CLNK: variants seen among roughly 807,000 people sequenced by gnomAD.
CLNK encodes cytokine-dependent hematopoietic cell linker.
A neutral mutation model predicts 68.6 loss-of-function variants in CLNK; 74 were observed. The ratio of observed to expected loss-of-function variants is 1.08; its 90% CI spans 0.89 to 1.31. CLNK has a LOEUF of 1.31. Ranked by LOEUF, CLNK falls within the 50% of genes most tolerant of loss-of-function variation. The probability of loss-of-function intolerance (pLI) is 0.00; values close to 1 mark genes in which losing one functional copy is unlikely to be tolerated. For synonymous variants in CLNK, 198 were observed against 172.2 expected, an observed-to-expected ratio of 1.15 and a Z score of -1.17; for missense variants, 553 against 515.3, an observed-to-expected ratio of 1.07 and a Z score of -0.71.
At chr4:10,727,107 G>A in the CLNK span, among the ~76,000 whole-genome samples, 10 of 152,144 alleles carry the variant, frequency 6.6e-5, no homozygotes, top group Non-Finnish European at 1.5e-4. Context: ...GGGGACATGT[G>A]GCAACAACTC....
At chr4:10,700,201 T>G in the CLNK span, among the ~76,000 whole-genome samples, 2 of 152,132 alleles carry the variant, frequency 1.3e-5, no homozygotes, top group Non-Finnish European at 2.9e-5. Flanking sequence ...GTAAAGAAAC[T>G]GAGAATTACA....
chr4:10,585,561 C>A (rs576384384), intron 3 of CLNK, among the ~76,000 whole-genome samples: 1 of 152,344 alleles, frequency 6.6e-6, no homozygotes, highest in Admixed American at 6.5e-5. Context: ...GAGTCTCAGC[C>A]TCCTCTGGCT....
chr4:10,681,883 C>T (rs990461684), intron 1 of CLNK, among the ~76,000 whole-genome samples: 2 of 152,048 alleles, frequency 1.3e-5, no homozygotes, highest in South Asian at 2.1e-4. Flanking sequence ...CTTCAGAATC[C>T]GTTTTGTAAA....
chr4:10,713,852 A>C, the CLNK span, among the ~76,000 whole-genome samples: 1 of 152,194 alleles, frequency 6.6e-6, no homozygotes, highest in Admixed American at 6.5e-5. Flanking sequence ...TCATGTGCCA[A>C]ATAGACCTCT....
intron 2 of CLNK, among the ~76,000 whole-genome samples, chr4:10,639,816 G>A (rs1560257007): frequency 6.6e-6 from 1 of 152,230 alleles, no homozygotes; most frequent in Non-Finnish European, 1.5e-5. Context: ...GGGTGGTGCT[G>A]CTCTGAATGC....
chr4:10,714,715 T>C, the CLNK span, among the ~76,000 whole-genome samples: 2 of 147,758 alleles, frequency 1.4e-5, no homozygotes, highest in Admixed American at 6.8e-5. Context: ...TGTGTGTGCG[T>C]GTGAGTAGCT....
intron 1 of CLNK, among the ~76,000 whole-genome samples, chr4:10,680,764 G>T (rs6821184): frequency 2.0e-5 from 3 of 151,878 alleles, no homozygotes; most frequent in African/African-American, 7.3e-5. Context: ...GAGGTTCTGA[G>T]GAGTTAAATA....
At chr4:10,550,264 C>T (rs1719394015) in intron 8 of CLNK, among the ~76,000 whole-genome samples, 1 of 152,150 alleles carries the variant, frequency 6.6e-6, no homozygotes, top group South Asian at 2.1e-4. Context: ...GAGGCCGAGG[C>T]GGGCGGATGA....
chr4:10,622,002 G>A (rs1473836556), intron 2 of CLNK, among the ~76,000 whole-genome samples: 5 of 152,210 alleles, frequency 3.3e-5, no homozygotes, highest in African/African-American at 1.2e-4. Flanking sequence ...AGCAAAACAG[G>A]ACTTGTTATT....
At chr4:10,709,285 A>G in the CLNK span, among the ~76,000 whole-genome samples, 1 of 152,212 alleles carries the variant, frequency 6.6e-6, no homozygotes, top group Non-Finnish European at 1.5e-5. Context: ...ATAATACCCA[A>G]TAACTATCCT....
intron 8 of CLNK, among the ~76,000 whole-genome samples, chr4:10,551,431 A>ATTT (rs71181045): frequency 2.1e-4 from 31 of 149,390 alleles, no homozygotes; most frequent in East Asian, 7.9e-4. Flanking sequence ...ATATATATAT[A>ATTT]TTTTTTTTTA....
chr4:10,507,858 A>G (rs952134690), intron 17 of CLNK, 101 bp downstream of exon 17: 6 of 832,238 alleles, frequency 7.2e-6, no homozygotes, highest in Non-Finnish European at 1.2e-5. Flanking sequence ...GCAGGAAATA[A>G]TACATGAAAG....
chr4:10,633,764 T>C (rs1339446023), intron 2 of CLNK, among the ~76,000 whole-genome samples: 2 of 152,244 alleles, frequency 1.3e-5, no homozygotes, highest in East Asian at 3.8e-4. Context: ...GGTAATAGAA[T>C]TGGCAATCAT....
intron 2 of CLNK, among the ~76,000 whole-genome samples, chr4:10,610,096 G>A (rs1322167470): frequency 3.8e-4 from 47 of 122,114 alleles, no homozygotes; most frequent in Non-Finnish European, 2.2e-4. Context: ...TCGTTCTGTC[G>A]CCCAGGCGGG....
At chr4:10,554,873 T>C (rs925839619) in intron 8 of CLNK, among the ~76,000 whole-genome samples, 1 of 152,194 alleles carries the variant, frequency 6.6e-6, no homozygotes, top group Non-Finnish European at 1.5e-5. Flanking sequence ...TCTGGATGAA[T>C]GGGATGTTCG....
intron 2 of CLNK, among the ~76,000 whole-genome samples, chr4:10,621,259 G>A (rs1039996882): frequency 6.6e-6 from 1 of 152,188 alleles, no homozygotes; most frequent in Non-Finnish European, 1.5e-5. Context: ...GGAGAGGGCA[G>A]AATGGTAACA....
At chr4:10,677,916 C>T (rs148474128) in intron 1 of CLNK, among the ~76,000 whole-genome samples, 17 of 151,996 alleles carry the variant, frequency 1.1e-4, no homozygotes, top group African/African-American at 3.1e-4. Flanking sequence ...ATTTAGTTTC[C>T]GTTATACAGC....
chr4:10,646,232 A>G (rs1723506123), intron 2 of CLNK, among the ~76,000 whole-genome samples: 2 of 152,222 alleles, frequency 1.3e-5, no homozygotes, highest in African/African-American at 4.8e-5. Context: ...TAAAATTATT[A>G]TATACCAATT....
chr4:10,681,789 G>A (rs1439546812), intron 1 of CLNK, among the ~76,000 whole-genome samples: 2 of 152,168 alleles, frequency 1.3e-5, no homozygotes, highest in Non-Finnish European at 2.9e-5. Flanking sequence ...GCAGGAGCTC[G>A]GGGCTCGGGT....
Sources: gnomAD v4.1 joint callset for allele counts (sites outside exome capture counted in the v4.1 genomes callset) on GRCh38, gnomAD v4.1.1 for gene constraint, MANE v1.5 for transcripts, NCBI Gene and HGNC (gene_info 2026-07-23, HGNC 2026-07-21) for gene names.